The following ELAVL2 variants were observed in gnomAD, a reference collection of about 807,000 sequenced individuals.
The protein encoded by ELAVL2 is ELAV like RNA binding protein 2, also known as ELAV-like protein 2.
A neutral mutation model predicts 34.6 loss-of-function variants in ELAVL2; 4 were observed. The observed-to-expected ratio is 0.12, with a 90% CI of 0.06 to 0.26. ELAVL2 has a LOEUF of 0.26. ELAVL2 is among the 10% of genes least tolerant of loss of function. The probability of loss-of-function intolerance (pLI) is 1.00; values close to 1 mark genes in which losing one functional copy is unlikely to be tolerated. For missense variants in ELAVL2, 432 were observed against 442.8 expected (o/e 0.98, Z 0.22); for synonymous variants, 193 against 154.8 (o/e 1.25, Z -1.83).
chr9:23,814,390 A>G lies in ELAVL2; in HGVS notation c.-16+11416T>C, dbSNP rs539082529. On this transcript the variant is annotated intron_variant, in intron 1 of 6. Transcript: ENST00000397312. ...AGGACCTGGAACTAAGCACAAGGCT[A>G]AAAGGATAAACAAGGGACAGAGGGC... Among the ~76,000 whole-genome samples, 6 of 152,314 alleles carry G rather than the reference A, an allele frequency of 3.9e-5. No individual in the cohort carries two copies. The East Asian group carries it at 1.2e-3, about 29-fold the overall frequency.
chr9:23,771,970 A>C (rs1169402344), intron 1 of ELAVL2, among the ~76,000 whole-genome samples: 1 of 152,188 alleles, frequency 6.6e-6, no homozygotes, highest in Non-Finnish European at 1.5e-5. Context: ...GGACCCAATT[A>C]ATTTCCATGC....
intron 3 of ELAVL2, among the ~76,000 whole-genome samples, chr9:23,729,534 C>CT (rs1167030565): frequency 6.6e-6 from 1 of 152,076 alleles, no homozygotes; most frequent in Non-Finnish European, 1.5e-5. Context: ...ACTGAAAAAA[C>CT]TTCAAAACAA....
chr9:23,805,592 G>A (rs1277211303), intron 1 of ELAVL2, among the ~76,000 whole-genome samples: 2 of 152,226 alleles, frequency 1.3e-5, no homozygotes, highest in African/African-American at 4.8e-5. Flanking sequence ...ACCCATGCAC[G>A]AGCATGAGCT....
chr9:23,812,396 A>G (rs2063128914), intron 1 of ELAVL2, among the ~76,000 whole-genome samples: 1 of 152,160 alleles, frequency 6.6e-6, no homozygotes, highest in South Asian at 2.1e-4. Context: ...AGCAGCCCAC[A>G]TATATCAAAG....
At chr9:23,770,165 T>A (rs1588303161) in intron 1 of ELAVL2, among the ~76,000 whole-genome samples, 1 of 152,116 alleles carries the variant, frequency 6.6e-6, no homozygotes, top group Admixed American at 6.6e-5. Context: ...CATATACAAG[T>A]ATGAACACAT....
At chr9:23,833,759 C>T in the ELAVL2 span, among the ~76,000 whole-genome samples, 8 of 151,768 alleles carry the variant, frequency 5.3e-5, no homozygotes, top group South Asian at 1.7e-3. Context: ...TATTAATCCC[C>T]CTCTGTGAGA....
intron 1 of ELAVL2, among the ~76,000 whole-genome samples, chr9:23,788,777 T>C (rs1246277001): frequency 6.6e-6 from 1 of 152,174 alleles, no homozygotes; most frequent in African/African-American, 2.4e-5. Flanking sequence ...GTCAATCTTA[T>C]AACTGAGATG....
chr9:23,786,802 A>AAAC (rs1554747169), intron 1 of ELAVL2, among the ~76,000 whole-genome samples: 1 of 127,334 alleles, frequency 7.9e-6, no homozygotes, highest in East Asian at 2.4e-4. Flanking sequence ...AAAAAAAAAA[A>AAAC]AGAGAGAGAG....
At chr9:23,776,612 T>C (rs1007336610) in intron 1 of ELAVL2, among the ~76,000 whole-genome samples, 2 of 152,024 alleles carry the variant, frequency 1.3e-5, no homozygotes, top group African/African-American at 4.8e-5. Context: ...CTCACGGAAC[T>C]TCTCCAAAAC....
At chr9:23,815,195 T>A (rs1040568978) in intron 1 of ELAVL2, among the ~76,000 whole-genome samples, 3 of 152,180 alleles carry the variant, frequency 2.0e-5, no homozygotes, top group African/African-American at 4.8e-5. Context: ...AAAATTTTGA[T>A]TTTTCACTGA....
intron 1 of ELAVL2, among the ~76,000 whole-genome samples, chr9:23,789,807 A>G (rs981487481): frequency 6.7e-6 from 1 of 148,626 alleles, no homozygotes; most frequent in Middle Eastern, 3.4e-3. Flanking sequence ...GTTGCAAAAC[A>G]GTTAGCTTCT....
At chr9:23,813,676 T>C (rs1478657909) in intron 1 of ELAVL2, among the ~76,000 whole-genome samples, 2 of 152,168 alleles carry the variant, frequency 1.3e-5, no homozygotes, top group African/African-American at 4.8e-5. Context: ...TAAGTTAAGC[T>C]GAGAGAAGCT....
Position 23,726,840 on chromosome 9 carries a change from A to T in ELAVL2, c.333+4182T>A, listed in dbSNP as rs571771379. The stretch of plus-strand genomic sequence containing the variant: ...ATTTTTTTCAATACTTAAGACCCCT[A>T]AAAATAAAATGAGTAGAGAAAGAGC... On this transcript the variant is annotated intron_variant, in intron 3 of 6. Transcript: ENST00000397312. 3.3e-5 allele frequency among the ~76,000 whole-genome samples: 5 copies of T among 152,226 alleles called. No homozygotes were observed. The South Asian group carries it at 1.0e-3, about 32-fold the overall frequency.
chr9:23,774,235 A>AAAAAAAG (rs59791462), intron 1 of ELAVL2, among the ~76,000 whole-genome samples: 59 of 132,304 alleles, frequency 4.5e-4, no homozygotes, highest in African/African-American at 1.8e-3. Context: ...AAAAAAAAAA[A>AAAAAAAG]AAAGAAAGAA....
chr9:23,839,269 A>G, the ELAVL2 span, among the ~76,000 whole-genome samples: 2 of 151,974 alleles, frequency 1.3e-5, no homozygotes, highest in Non-Finnish European at 2.9e-5. Context: ...TCAGATATGA[A>G]TGACGACTGT....
rs2033977308 is a variant in ELAVL2 at position 23,693,541 on chromosome 9, A to G, written c.714-55T>C. On this transcript the variant is annotated intron_variant, in intron 5 of 6. Coordinates refer to ENST00000397312, the MANE Select transcript of ELAVL2 (RefSeq NM_004432.5). ...TTTTTAATTTTTCCCCTTGATGTTC[A>G]AGAAAGTTGGGCTCATTACTGCCAT... 9 of 1,608,336 alleles carry G rather than the reference A, an allele frequency of 5.6e-6. No individual in the cohort carries two copies. The South Asian group carries it at 8.8e-5, about 16-fold the overall frequency.
intron 3 of ELAVL2, among the ~76,000 whole-genome samples, chr9:23,716,093 C>T (rs2042227876): frequency 6.8e-6 from 1 of 147,042 alleles, no homozygotes; most frequent in African/African-American, 2.5e-5. Context: ...CATGTTCTCA[C>T]TCATAGGTGG....
At chr9:23,824,608 AAGCCAGC>A (rs1214007756) in intron 1 of ELAVL2, among the ~76,000 whole-genome samples, 2 of 152,100 alleles carry the variant, frequency 1.3e-5, no homozygotes, top group Non-Finnish European at 2.9e-5. Context: ...TCTCTTAGGA[AAGCCAGC>A]AGCTTGTTCC....
At chr9:23,748,175 T>C (rs1250370203) in intron 2 of ELAVL2, among the ~76,000 whole-genome samples, 2 of 117,676 alleles carry the variant, frequency 1.7e-5, no homozygotes, top group Admixed American at 9.5e-5. Context: ...CCTTGAGGGG[T>C]AGGGGGAAAG....
Sources: allele counts gnomAD v4.1 joint callset (sites outside exome capture counted in the v4.1 genomes callset), GRCh38; gene constraint gnomAD v4.1.1; transcripts MANE v1.5; gene names NCBI Gene and HGNC (gene_info 2026-07-23, HGNC 2026-07-21).